The following TNNT2 variants were observed in gnomAD, a reference collection of about 807,000 sequenced individuals.
TNNT2 encodes troponin T2, cardiac type.
A neutral mutation model predicts 62.4 loss-of-function variants in TNNT2; 34 were observed. The observed-to-expected ratio is 0.54, with a 90% confidence interval of 0.41 to 0.72. The LOEUF is 0.72. TNNT2 is among the 30% of genes least tolerant of loss of function. The pLI, the probability that TNNT2 is intolerant of heterozygous loss-of-function variation, is 0.00. For missense variants in TNNT2, 275 were observed against 381.9 expected (o/e 0.72, Z 2.33); for synonymous variants, 123 against 127.2 (o/e 0.97, Z 0.22).
At chr1:201,371,971 T>C in intron 4 of TNNT2, 56 bp downstream of exon 4, 2 of 1,612,716 alleles carry the variant, frequency 1.2e-6, no homozygotes, top group Middle Eastern at 1.8e-4. Flanking sequence ...GCTCCCAGGA[T>C]TTCCACATTG....
chr1:201,361,794 T>G, intron 14 of TNNT2, 119 bp downstream of exon 14: 3 of 993,216 alleles, frequency 3.0e-6, no homozygotes, highest in Non-Finnish European at 4.8e-6. Flanking sequence ...AAACTTGCCA[T>G]GGGAAAATAT....
At position 201,359,161 on chromosome 1, in the gene TNNT2, G is replaced by A. The variant is rs546008385; in HGVS notation, c.*49C>T. 1.4e-5 allele frequency: 23 copies of A among 1,589,728 alleles called. No individual in the cohort carries two copies. The highest frequency in any genetic ancestry group is 1.2e-4 in the South Asian group (10 of 86,912). ...CCCGGGAACTGGGGGAGTGCAGGCC[G>A]GAGGCAGGTGCGAGCGAGGAGCAGA... On this transcript the variant is annotated 3_prime_UTR_variant, in exon 17 of 17. Transcript: ENST00000656932.
At chr1:201,363,531 G>C in intron 11 of TNNT2, 125 bp from the exon 12 acceptor site, 1 of 863,552 alleles carries the variant, frequency 1.2e-6, no homozygotes, top group Admixed American at 1.8e-5. Flanking sequence ...GGAGCTTTCT[G>C]AGAGGGTAGC....
intron 2 of TNNT2, among the ~76,000 whole-genome samples, chr1:201,372,684 G>C (rs1032545846): frequency 6.6e-6 from 1 of 152,214 alleles, no homozygotes; most frequent in Non-Finnish European, 1.5e-5. Flanking sequence ...GGCAGTAGCC[G>C]TGCCTATACC....
At chr1:201,367,485 T>C in intron 7 of TNNT2, 1 of 573,406 alleles carries the variant, frequency 1.7e-6, no homozygotes, top group Non-Finnish European at 3.1e-6. Flanking sequence ...AGGAGCTTCA[T>C]GTGTGGATAT....
chr1:201,367,668 G>T, intron 7 of TNNT2, 103 bp downstream of exon 7: 1 of 1,309,182 alleles, frequency 7.6e-7, no homozygotes, highest in Non-Finnish European at 1.1e-6. Context: ...AACCCTCTCA[G>T]TGCACATCCA....
Position 201,368,157 on chromosome 1 carries a change from C to G in TNNT2, c.163+5G>C. 6.2e-7 allele frequency: 1 copy of G among 1,614,138 alleles called. No individual in the cohort carries two copies. Among genetic ancestry groups the G allele is most frequent in the Non-Finnish European group, 8.5e-7 (1 of 1,180,008 alleles). On this transcript the variant is annotated splice_donor_5th_base_variant and intron_variant, in intron 6 of 16. Transcript: ENST00000656932. ...AGGCCCCTGCACCCTCAACCAGAGACTTACCTTCTGCCCTGGTCTCCTCGG... is the reference window on the plus strand; with the variant it reads ...AGGCCCCTGCACCCTCAACCAGAGAGTTACCTTCTGCCCTGGTCTCCTCGG...
chr1:201,373,509 A>T (rs1660965227), intron 1 of TNNT2: 2 of 565,842 alleles, frequency 3.5e-6, no homozygotes, highest in East Asian at 6.1e-5. Context: ...TGAACAGGCA[A>T]TACTGCCTGG....
intron 5 of TNNT2, 87 bp from the exon 6 acceptor site, chr1:201,368,314 G>T: frequency 7.2e-7 from 1 of 1,380,462 alleles, no homozygotes. Context: ...GCAGCGGGGA[G>T]TGGGGATGGG....
At chr1:201,362,781 G>A (rs57356641) in intron 12 of TNNT2, among the ~76,000 whole-genome samples, 2,246 of 152,290 alleles carry the variant, frequency 0.015, 56 homozygotes, top group African/African-American at 0.051. Context: ...CAAAAGTTAG[G>A]GATCGAGAGT....
At chr1:201,368,915 G>A (rs552254802) in intron 5 of TNNT2, among the ~76,000 whole-genome samples, 1 of 152,338 alleles carries the variant, frequency 6.6e-6, no homozygotes, top group East Asian at 1.9e-4. Flanking sequence ...GTGGGAGAAG[G>A]GTTGGCCTTC....
chr1:201,360,654 A>T (rs963728956), intron 15 of TNNT2: 1 of 156,538 alleles, frequency 6.4e-6, no homozygotes, highest in African/African-American at 2.4e-5. Flanking sequence ...GCAGCAAAGG[A>T]GACCTTCCAG....
intron 9 of TNNT2, 95 bp from the exon 10 acceptor site, chr1:201,365,402 C>A (rs1659478590): frequency 7.8e-7 from 1 of 1,289,050 alleles, no homozygotes; most frequent in South Asian, 1.2e-5. Flanking sequence ...GTGCAAAAGA[C>A]CTCTGGCAGG....
At chr1:201,360,930 A>G in intron 15 of TNNT2, 1 of 385,038 alleles carries the variant, frequency 2.6e-6, no homozygotes, top group South Asian at 2.2e-5. Flanking sequence ...CTCTGTTGGC[A>G]GCACTCCCCT....
chr1:201,362,104 G>T, intron 13 of TNNT2, 82 bp from the exon 14 acceptor site: 1 of 1,482,184 alleles, frequency 6.7e-7, no homozygotes, highest in Non-Finnish European at 9.4e-7. Context: ...CCTGGGGGTG[G>T]AGCAAGGCCT....
intron 11 of TNNT2, chr1:201,363,667 T>C (rs1659121807): frequency 2.0e-6 from 1 of 490,654 alleles, no homozygotes; most frequent in Admixed American, 3.3e-5. Context: ...CTGGAAGACC[T>C]GTTGCTCTGG....
chr1:201,360,273 C>T (rs1038158596), intron 15 of TNNT2, among the ~76,000 whole-genome samples: 8 of 152,202 alleles, frequency 5.3e-5, no homozygotes, highest in African/African-American at 1.7e-4. Flanking sequence ...CAGATATGAA[C>T]CCATAGGGCT....
intron 1 of TNNT2, chr1:201,374,657 C>G (rs572202304): frequency 1.3e-5 from 2 of 152,200 alleles, no homozygotes; most frequent in Non-Finnish European, 2.9e-5. Context: ...CATCTCAGCT[C>G]TCTTTGCTGT....
At chr1:201,364,795 C>T (rs1006576318) in intron 10 of TNNT2, among the ~76,000 whole-genome samples, 10 of 152,242 alleles carry the variant, frequency 6.6e-5, no homozygotes, top group South Asian at 4.1e-4. Flanking sequence ...GCAGCCTCCA[C>T]GCTCTGCAGG....
Sources: allele counts gnomAD v4.1 joint callset (sites outside exome capture counted in the v4.1 genomes callset), GRCh38; gene constraint gnomAD v4.1.1; transcripts MANE v1.5; gene names NCBI Gene and HGNC (gene_info 2026-07-23, HGNC 2026-07-21).